CLEC12A: variants seen among roughly 807,000 people sequenced by gnomAD.
CLEC12A encodes the protein C-type lectin domain family 12 member A, also known as C-type lectin protein CLL-1.
Under a neutral mutation model 26.5 loss-of-function variants are expected in CLEC12A, and 22 were observed. The observed-to-expected ratio is 0.83, with a 90% CI of 0.59 to 1.19. The LOEUF (loss-of-function observed/expected upper bound fraction) is 1.19, where lower values mean the gene tolerates loss of function less well. CLEC12A is among the 50% of genes most tolerant of loss of function. CLEC12A has a pLI of 0.00. For missense variants in CLEC12A, 353 were observed against 315.6 expected (o/e 1.12, Z -0.90); for synonymous variants, 119 against 101.9 (o/e 1.17, Z -1.01).
chr12:9,955,908 G>A (rs550350553), intron 1 of CLEC12A, among the ~76,000 whole-genome samples: 4 of 152,092 alleles, frequency 2.6e-5, no homozygotes, highest in African/African-American at 4.8e-5. Context: ...GGAGGAAAAC[G>A]TTGCTTCTCT....
At chr12:9,954,987 T>C (rs1863718915) in intron 1 of CLEC12A, among the ~76,000 whole-genome samples, 1 of 152,218 alleles carries the variant, frequency 6.6e-6, no homozygotes, top group Admixed American at 6.5e-5. Context: ...AAATTATCTT[T>C]GTGTGATTTT....
At chr12:9,987,338 C>T (rs1864790225), downstream of CLEC12A, among the ~76,000 whole-genome samples, 1 of 152,132 alleles carries the variant, frequency 6.6e-6, no homozygotes, top group Non-Finnish European at 1.5e-5. Context: ...GGGGTGGCTT[C>T]AGTTAAAATT....
intron 4 of CLEC12A, chr12:9,993,348 CTCTGCGT>C: frequency 7.3e-7 from 1 of 1,374,262 alleles, no homozygotes; most frequent in Non-Finnish European, 1.0e-6. Context: ...AGTAATCAGA[CTCTGCGT>C]ATAGTAGTTT....
At chr12:9,965,139 A>C (rs931075394) in intron 1 of CLEC12A, among the ~76,000 whole-genome samples, 2 of 152,180 alleles carry the variant, frequency 1.3e-5, no homozygotes, top group African/African-American at 4.8e-5. Flanking sequence ...AAAAGTATTA[A>C]AGCAGCGGCA....
the CLEC12A span, among the ~76,000 whole-genome samples, chr12:10,002,440 G>GTTTTTTTTTTTTTTTTTTTT: frequency 2.4e-3 from 99 of 40,478 alleles, 10 homozygotes; most frequent in Non-Finnish European, 3.9e-3. Context: ...GTTGGGTAAT[G>GTTTTTTTTTTTTTTTTTTTT]TTTTTTTTTT....
intron 1 of CLEC12A, among the ~76,000 whole-genome samples, chr12:9,964,539 C>T (rs558373702): frequency 6.6e-5 from 10 of 152,100 alleles, no homozygotes; most frequent in African/African-American, 2.2e-4. Flanking sequence ...TTGGAGGGTC[C>T]CCTGCCAGCA....
chr12:9,959,881 C>G (rs185838587), intron 1 of CLEC12A, among the ~76,000 whole-genome samples: 38 of 152,294 alleles, frequency 2.5e-4, no homozygotes, highest in Non-Finnish European at 4.6e-4. Context: ...CTCTCTGATG[C>G]TTGAGGATTT....
chr12:9,969,746 T>C (rs1864059816), upstream of CLEC12A, among the ~76,000 whole-genome samples: 1 of 152,192 alleles, frequency 6.6e-6, no homozygotes, highest in Non-Finnish European at 1.5e-5. Flanking sequence ...CAAATATTTA[T>C]ATGCAAATAT....
intron 1 of CLEC12A, among the ~76,000 whole-genome samples, chr12:9,958,924 G>A (rs1018791209): frequency 6.6e-6 from 1 of 152,152 alleles, no homozygotes; most frequent in Non-Finnish European, 1.5e-5. Flanking sequence ...ATTACAAGAA[G>A]TTAATCACTC....
chr12:9,976,174 CT>C (rs1341247059), intron 1 of CLEC12A, among the ~76,000 whole-genome samples: 26 of 152,228 alleles, frequency 1.7e-4, no homozygotes, highest in African/African-American at 6.3e-4. Context: ...CACTGGGGTA[CT>C]GTCCAGTGGA....
At chr12:9,964,481 A>C (rs1055261814) in intron 1 of CLEC12A, among the ~76,000 whole-genome samples, 1 of 152,140 alleles carries the variant, frequency 6.6e-6, no homozygotes, top group African/African-American at 2.4e-5. Flanking sequence ...GAATGAGAAT[A>C]AGATTGAGTA....
intron 1 of CLEC12A, among the ~76,000 whole-genome samples, chr12:9,973,276 A>G (rs551842999): frequency 6.6e-6 from 1 of 152,112 alleles, no homozygotes; most frequent in South Asian, 2.1e-4. Context: ...GCCTGGGGAA[A>G]GTAGAGATAT....
At chr12:10,004,033 G>A in the CLEC12A span, among the ~76,000 whole-genome samples, 1 of 152,182 alleles carries the variant, frequency 6.6e-6, no homozygotes, top group Non-Finnish European at 1.5e-5. Flanking sequence ...CTCTTAGCAG[G>A]GTATGTGACG....
At chr12:10,004,533 C>G in the CLEC12A span, among the ~76,000 whole-genome samples, 1 of 152,022 alleles carries the variant, frequency 6.6e-6, no homozygotes, top group South Asian at 2.1e-4. Flanking sequence ...CTCCTCTTCT[C>G]TCCTTCTCTG....
At chr12:9,959,387 G>T (rs1049258309) in intron 1 of CLEC12A, among the ~76,000 whole-genome samples, 2 of 151,902 alleles carry the variant, frequency 1.3e-5, no homozygotes, top group African/African-American at 4.8e-5. Flanking sequence ...GTGAGGCGGA[G>T]GTTGCAGTGA....
intron 1 of CLEC12A, among the ~76,000 whole-genome samples, chr12:9,961,154 T>C (rs1863821282): frequency 6.6e-6 from 1 of 152,208 alleles, no homozygotes; most frequent in African/African-American, 2.4e-5. Flanking sequence ...ATGTCTGGGT[T>C]GTGGTAAGAG....
chr12:9,985,018 G>T lies in CLEC12A; in HGVS notation c.790G>T (p.Glu264Ter), dbSNP rs779209904. 3.3e-6 allele frequency: 5 copies of T among 1,515,932 alleles called. No homozygotes were observed. In the South Asian group the frequency reaches 6.5e-5, roughly 20 times the overall value. The allele number at this position is 1,515,932 out of a possible 1,614,324, so 93.9% of individuals were successfully genotyped here. ...PVQLGSTYFR[E>*]A ...GCAGCTTGGTTCTACATATTTTAGG[G>T]AGGCATGAGGCATCAATCAAATACA... Residue 264 changes from glutamate to a stop codon, truncating the protein, a stop_gained, in exon 6 of 6, where the codon GAG becomes TAG. Transcript: ENST00000304361. LOFTEE classifies it high-confidence loss of function.
downstream of CLEC12A, among the ~76,000 whole-genome samples, chr12:9,997,814 C>T (rs1460887946): frequency 6.6e-6 from 1 of 151,828 alleles, no homozygotes; most frequent in Non-Finnish European, 1.5e-5. Context: ...TATTGGAGGG[C>T]CATGAGAATT....
the CLEC12A span, among the ~76,000 whole-genome samples, chr12:10,002,187 A>C: frequency 6.6e-6 from 1 of 152,072 alleles, no homozygotes; most frequent in Non-Finnish European, 1.5e-5. Flanking sequence ...GGCCTAAAAA[A>C]ATTCTTTATT....
Sources: gnomAD v4.1 joint callset for allele counts (sites outside exome capture counted in the v4.1 genomes callset) on GRCh38, gnomAD v4.1.1 for gene constraint, MANE v1.5 for transcripts, NCBI Gene and HGNC (gene_info 2026-07-23, HGNC 2026-07-21) for gene names.